Variants in BTBD8 observed in about 807,000 individuals in gnomAD.
BTBD8 encodes BTB domain containing 8, also known as BTB/POZ domain-containing protein 8.
A neutral mutation model predicts 162.9 loss-of-function variants in BTBD8; 110 were observed. That is an observed-to-expected ratio of 0.68 (90% CI 0.58 to 0.79). The LOEUF is 0.79. Among genes scored for constraint, BTBD8 ranks in the 30% least tolerant of loss-of-function variants. The pLI is 0.00. For missense variants in BTBD8, 1,905 were observed against 2,085.4 expected (o/e 0.91, Z 1.68); for synonymous variants, 667 against 716.1 (o/e 0.93, Z 1.10).
In BTBD8 at chr1:92,183,980, G is replaced by T; in HGVS notation, c.5029G>T (p.Glu1677Ter). ...AATAGAAGCATTTGAGCAGAAAGTG[G>T]AATCAGAAACACATGTTACAGATAT... Reference protein sequence around the residue: ...DVIEAFEQKVESETHVTDMDF... With the variant: ...DVIEAFEQKV The change falls in exon 18 of 18, where the codon GAA becomes TAA. Residue 1677 changes from glutamate (E) to a stop codon, truncating the protein, a stop_gained. Transcript: ENST00000636805. LOFTEE classifies it high-confidence loss of function. 1 of 1,551,472 alleles carries T rather than the reference G, an allele frequency of 6.4e-7. No homozygotes were observed. Among genetic ancestry groups the T allele is most frequent in the Non-Finnish European group, 8.7e-7 (1 of 1,146,836 alleles).
intron 4 of BTBD8, among the ~76,000 whole-genome samples, chr1:92,117,478 T>C (rs1199571763): frequency 6.6e-6 from 1 of 151,908 alleles, no homozygotes; most frequent in South Asian, 2.1e-4. Flanking sequence ...GCCTTTCTAC[T>C]GAGGCTTCTG....
intron 13 of BTBD8, among the ~76,000 whole-genome samples, chr1:92,171,930 A>C (rs757214806): frequency 3.0e-4 from 45 of 152,230 alleles, no homozygotes; most frequent in Non-Finnish European, 5.7e-4. Context: ...ATCTTTACTA[A>C]ATACACAAAA....
rs145263321 is a variant in BTBD8 at position 92,108,809 on chromosome 1, A to G, written c.662+808A>G. Among the ~76,000 whole-genome samples the G allele has an allele frequency of 3.2e-3, 482 of 152,350 alleles. 5 individuals are homozygous for G. The highest frequency in any genetic ancestry group is 0.011 in the African/African-American group (459 of 41,586). The stretch of plus-strand genomic sequence containing the variant: ...TCTTCCTCCTCTTTGTGTTTCAAAT[A>G]GAAGGTTGATAAGAAGTTATTCTGG... On this transcript the variant is annotated intron_variant, in intron 4 of 17. Coordinates refer to ENST00000636805, the MANE Select transcript of BTBD8 (RefSeq NM_001376131.1).
intron 2 of BTBD8, among the ~76,000 whole-genome samples, chr1:92,096,089 A>G (rs1413843142): frequency 6.6e-6 from 1 of 151,790 alleles, no homozygotes; most frequent in Non-Finnish European, 1.5e-5. Context: ...CTTGTGCCTC[A>G]GTCTCACAAG....
At chr1:92,130,051 C>A (rs1649472958) in intron 5 of BTBD8, among the ~76,000 whole-genome samples, 1 of 152,176 alleles carries the variant, frequency 6.6e-6, no homozygotes, top group East Asian at 1.9e-4. Context: ...ACTGGAAGTT[C>A]AAGATAAACA....
At chr1:92,113,943 C>T (rs11166184) in intron 4 of BTBD8, among the ~76,000 whole-genome samples, 92,118 of 148,550 alleles carry the variant, frequency 0.62, 29,011 homozygotes, top group East Asian at 0.97. Flanking sequence ...ATCCAGGAGG[C>T]GGAGGTTGCA....
At chr1:92,163,455 G>C (rs752329176) in intron 9 of BTBD8, among the ~76,000 whole-genome samples, 1 of 142,652 alleles carries the variant, frequency 7.0e-6, no homozygotes, top group Non-Finnish European at 1.5e-5. Context: ...TATATGTTTT[G>C]TTTGTATATG....
intron 2 of BTBD8, among the ~76,000 whole-genome samples, chr1:92,098,807 G>A (rs1028819580): frequency 6.6e-6 from 1 of 152,062 alleles, no homozygotes. Flanking sequence ...AGAGATTTCT[G>A]TATATACTGG....
chr1:92,165,998 G>A (rs1650376013), intron 9 of BTBD8, among the ~76,000 whole-genome samples: 1 of 152,130 alleles, frequency 6.6e-6, no homozygotes, highest in Non-Finnish European at 1.5e-5. Flanking sequence ...TTTAAGAACT[G>A]GAAATCAAAC....
In BTBD8 at chr1:92,182,241, A is replaced by G. The variant is rs1177911923; in HGVS notation, c.4558A>G (p.Ile1520Val). ...NESTVLDLSS[I>V]DSSRKNKQSV... ...AAGCACTGTCTTGGATCTTAGTAGC[A>G]TTGACTCTTCAAGAAAAAATAAACA... Residue 1520 changes from isoleucine (I) to valine (V), a missense_variant, in exon 17 of 18, where the codon ATT (isoleucine) becomes GTT (valine). By Grantham distance (29) the Ile-to-Val change is conservative. Around this residue, in one of 3 missense-constraint regions of BTBD8, gnomAD observed 517 missense variants for 606.6 expected, o/e 0.85. Coordinates refer to ENST00000636805, the MANE Select transcript of BTBD8 (RefSeq NM_001376131.1). 22 of 1,551,012 alleles carry G rather than the reference A, an allele frequency of 1.4e-5. No individual in the cohort carries two copies. Among genetic ancestry groups the G allele is most frequent in the Middle Eastern group, 1.7e-4 (1 of 6,010 alleles).
intron 3 of BTBD8, among the ~76,000 whole-genome samples, chr1:92,105,090 G>T (rs911339638): frequency 1.3e-4 from 20 of 151,852 alleles, no homozygotes; most frequent in Admixed American, 1.1e-3. Context: ...CTGCCACCAC[G>T]CCTGGCTAAT....
chr1:92,162,089 A>T (rs757555704), intron 9 of BTBD8, among the ~76,000 whole-genome samples: 44 of 152,076 alleles, frequency 2.9e-4, no homozygotes, highest in Non-Finnish European at 5.0e-4. Context: ...ACAGTGCTCC[A>T]TTGATTGTAT....
At chr1:92,119,697 G>T (rs1264861210) in intron 4 of BTBD8, among the ~76,000 whole-genome samples, 2 of 150,890 alleles carry the variant, frequency 1.3e-5, no homozygotes, top group Non-Finnish European at 3.0e-5. Flanking sequence ...CGCGATCTCG[G>T]CTCACTGCAA....
At chr1:92,109,180 T>C (rs1341745093) in intron 4 of BTBD8, among the ~76,000 whole-genome samples, 2 of 152,156 alleles carry the variant, frequency 1.3e-5, no homozygotes, top group African/African-American at 4.8e-5. Flanking sequence ...TTGAACATTA[T>C]ATTTTCCGTA....
intron 3 of BTBD8, 62 bp from the exon 4 acceptor site, chr1:92,107,822 A>G (rs546147329): frequency 2.6e-5 from 36 of 1,370,532 alleles, no homozygotes; most frequent in Non-Finnish European, 3.5e-5. Flanking sequence ...TAATAATAGA[A>G]AACAATTTTT....
At chr1:92,147,032 T>C (rs907578209) in intron 7 of BTBD8, 148 bp from the exon 8 acceptor site, 1 of 487,894 alleles carries the variant, frequency 2.0e-6, no homozygotes, top group Admixed American at 4.0e-5. Flanking sequence ...AAGAGTTAAA[T>C]ATAGAAAATA....
rs7552286 is a variant in BTBD8, at chr1:92,180,396, G to A, written c.2713G>A (p.Val905Ile). Reference protein sequence around the residue: ...QAPKRKMVKQVHTALPKVNAK... With the variant: ...QAPKRKMVKQIHTALPKVNAK... ...ACCTAAGAGAAAAATGGTCAAGCAAGTACACACAGCTTTGCCTAAGGTTAA... is the reference window on the plus strand; with the variant it reads ...ACCTAAGAGAAAAATGGTCAAGCAAATACACACAGCTTTGCCTAAGGTTAA... The change falls in exon 17 of 18, where the codon GTA becomes ATA. Residue 905 changes from valine to isoleucine, a missense_variant. By Grantham distance (29) the Val-to-Ile change is conservative. This residue lies in a region of BTBD8 where 1,374 missense variants were observed against 1,442.7 expected (regional missense o/e 0.95). Coordinates refer to ENST00000636805, the MANE Select transcript of BTBD8 (RefSeq NM_001376131.1). 1.3e-6 allele frequency: 2 copies of A among 1,551,494 alleles called. No homozygotes were observed. Among genetic ancestry groups the A allele is most frequent in the East Asian group, 2.4e-5 (1 of 40,896 alleles).
intron 4 of BTBD8, among the ~76,000 whole-genome samples, chr1:92,111,203 G>C (rs908048017): frequency 5.3e-5 from 8 of 151,822 alleles, no homozygotes; most frequent in African/African-American, 1.7e-4. Flanking sequence ...ATGTTGGCCA[G>C]GCTGGTCTCA....
intron 7 of BTBD8, among the ~76,000 whole-genome samples, chr1:92,145,272 A>C (rs1649884520): frequency 2.0e-5 from 3 of 152,080 alleles, no homozygotes; most frequent in Admixed American, 6.6e-5. Context: ...GCCTACATTC[A>C]ATTTTTTTAA....
Sources: allele counts gnomAD v4.1 joint callset (sites outside exome capture counted in the v4.1 genomes callset), GRCh38; gene constraint gnomAD v4.1.1; regional missense constraint gnomAD v4.1.1; transcripts MANE v1.5; gene names NCBI Gene and HGNC (gene_info 2026-07-23, HGNC 2026-07-21).